Variants in NOVA1 observed in about 807,000 individuals in gnomAD.
NOVA1 encodes RNA-binding protein Nova-1.
NOVA1 carries 7 observed loss-of-function variants against 38.0 expected under a neutral mutation model. The ratio of observed to expected loss-of-function variants is 0.18; its 90% CI spans 0.10 to 0.35. The LOEUF (loss-of-function observed/expected upper bound fraction) is 0.35, where lower values mean the gene tolerates loss of function less well. Among genes scored for constraint, NOVA1 ranks in the 10% least tolerant of loss-of-function variants. NOVA1 has a pLI of 1.00. For missense variants in NOVA1, 460 were observed against 616.0 expected (o/e 0.75, Z 2.68); for synonymous variants, 270 against 232.5 (o/e 1.16, Z -1.47).
At chr14:26,477,491 T>A (rs539245966) in intron 3 of NOVA1, among the ~76,000 whole-genome samples, 16 of 152,258 alleles carry the variant, frequency 1.1e-4, no homozygotes, top group African/African-American at 3.8e-4. Context: ...CAGCAGGCAC[T>A]ACTTTCCCAA....
intron 2 of NOVA1, among the ~76,000 whole-genome samples, chr14:26,589,659 C>G (rs1893727948): frequency 6.6e-6 from 1 of 151,702 alleles, no homozygotes; most frequent in Non-Finnish European, 1.5e-5. Context: ...CTACCAAGTA[C>G]TTCCACTTAT....
chr14:26,487,574 C>T (rs938207394), intron 2 of NOVA1, among the ~76,000 whole-genome samples: 5 of 152,012 alleles, frequency 3.3e-5, no homozygotes, highest in Non-Finnish European at 5.9e-5. Context: ...ATATAGCAAA[C>T]ACAGAGAACA....
At chr14:26,522,354 G>T (rs1025397934) in intron 2 of NOVA1, among the ~76,000 whole-genome samples, 2 of 152,096 alleles carry the variant, frequency 1.3e-5, no homozygotes, top group Non-Finnish European at 2.9e-5. Context: ...TACATCTGCT[G>T]CAAATTTGTG....
chr14:26,498,161 G>A (rs1450417126), intron 2 of NOVA1, among the ~76,000 whole-genome samples: 2 of 151,958 alleles, frequency 1.3e-5, no homozygotes, highest in Non-Finnish European at 2.9e-5. Flanking sequence ...CTGGGTTCAC[G>A]CCTTTCTCCT....
chr14:26,507,577 AC>A (rs1887738364), intron 2 of NOVA1, among the ~76,000 whole-genome samples: 1 of 152,150 alleles, frequency 6.6e-6, no homozygotes, highest in Non-Finnish European at 1.5e-5. Context: ...CATGAATTCT[AC>A]CCTTTGGAAA....
At chr14:26,506,810 CCT>C (rs1444052715) in intron 2 of NOVA1, among the ~76,000 whole-genome samples, 1 of 152,094 alleles carries the variant, frequency 6.6e-6, no homozygotes, top group Non-Finnish European at 1.5e-5. Flanking sequence ...AAACTCCTGA[CCT>C]CAGGTGATCC....
At chr14:26,483,557 T>A (rs1885632076) in intron 2 of NOVA1, among the ~76,000 whole-genome samples, 1 of 152,202 alleles carries the variant, frequency 6.6e-6, no homozygotes, top group Non-Finnish European at 1.5e-5. Flanking sequence ...TACCAACTGA[T>A]TTCAATGATC....
intron 4 of NOVA1, among the ~76,000 whole-genome samples, chr14:26,451,786 T>C (rs1003659242): frequency 1.3e-5 from 2 of 152,228 alleles, no homozygotes; most frequent in African/African-American, 2.4e-5. Flanking sequence ...TGTCTATCTT[T>C]ATATTAAAGG....
chr14:26,496,986 T>C (rs1359630722), intron 2 of NOVA1, among the ~76,000 whole-genome samples: 1 of 152,204 alleles, frequency 6.6e-6, no homozygotes, highest in Non-Finnish European at 1.5e-5. Flanking sequence ...GGCTCTTTTT[T>C]GGTTCCAAAT....
chr14:26,583,283 G>A (rs1893327911), intron 2 of NOVA1, among the ~76,000 whole-genome samples: 2 of 151,386 alleles, frequency 1.3e-5, no homozygotes, highest in African/African-American at 4.8e-5. Flanking sequence ...AATTTGACCT[G>A]CAAAAAAACA....
At chr14:26,514,941 C>T (rs1469892297) in intron 2 of NOVA1, among the ~76,000 whole-genome samples, 1 of 151,814 alleles carries the variant, frequency 6.6e-6, no homozygotes, top group Non-Finnish European at 1.5e-5. Context: ...ATTCTACCTA[C>T]CTTAATATAC....
At chr14:26,490,843 T>A (rs944189311) in intron 2 of NOVA1, among the ~76,000 whole-genome samples, 1 of 11,304 alleles carries the variant, frequency 8.8e-5, no homozygotes, top group African/African-American at 1.4e-4. Flanking sequence ...ATCTGGCTAG[T>A]TTTTTTTTTT....
chr14:26,533,292 T>G (rs1889850365), intron 2 of NOVA1, among the ~76,000 whole-genome samples: 1 of 152,210 alleles, frequency 6.6e-6, no homozygotes, highest in Non-Finnish European at 1.5e-5. Context: ...TAGCCCTCGC[T>G]TAGGAGCCAC....
intron 2 of NOVA1, among the ~76,000 whole-genome samples, chr14:26,545,557 C>T (rs1890736745): frequency 6.6e-6 from 1 of 151,972 alleles, no homozygotes; most frequent in Non-Finnish European, 1.5e-5. Context: ...TGGATTTTAT[C>T]CTGAGGACAA....
chr14:26,505,887 TAGAA>T (rs926563263), intron 2 of NOVA1, among the ~76,000 whole-genome samples: 4 of 152,306 alleles, frequency 2.6e-5, no homozygotes, highest in African/African-American at 9.6e-5. Flanking sequence ...ACAACCCATT[TAGAA>T]AAACAGGATT....
chr14:26,505,302 C>A (rs1156933487), intron 2 of NOVA1, among the ~76,000 whole-genome samples: 5 of 152,048 alleles, frequency 3.3e-5, no homozygotes, highest in African/African-American at 1.2e-4. Context: ...GAGGAGGGAC[C>A]TCATGGGAGG....
rs948732484 is a variant in NOVA1, at chr14:26,447,608, G to T, written c.*351C>A. 4 of 250,278 alleles carry T rather than the reference G, an allele frequency of 1.6e-5. No homozygotes were observed. The highest frequency in any genetic ancestry group is 8.9e-5 in the African/African-American group (4 of 44,848). The allele number at this position is 250,278 out of a possible 1,614,324, so 15.5% of individuals were successfully genotyped here. On this transcript the variant is annotated 3_prime_UTR_variant, in exon 5 of 5. Coordinates refer to ENST00000539517, the MANE Select transcript of NOVA1 (RefSeq NM_002515.3). ...ACTCAACCTAACAGTAGTTAATTTAGTGTTATCTAGAACTAATACTGAAAA... is the reference window on the plus strand; with the variant it reads ...ACTCAACCTAACAGTAGTTAATTTATTGTTATCTAGAACTAATACTGAAAA...
chr14:26,579,849 G>A (rs1411582658), intron 2 of NOVA1, among the ~76,000 whole-genome samples: 1 of 151,976 alleles, frequency 6.6e-6, no homozygotes, highest in Non-Finnish European at 1.5e-5. Context: ...TTAAGACCTT[G>A]ACAGAGCCAA....
chr14:26,483,529 A>T (rs1190563154), intron 2 of NOVA1, among the ~76,000 whole-genome samples: 3 of 152,234 alleles, frequency 2.0e-5, no homozygotes, highest in Non-Finnish European at 4.4e-5. Context: ...TAAAATTTTC[A>T]ATAAAAACAT....
Sources: gnomAD v4.1 joint callset for allele counts (sites outside exome capture counted in the v4.1 genomes callset) on GRCh38, gnomAD v4.1.1 for gene constraint, MANE v1.5 for transcripts, NCBI Gene and HGNC (gene_info 2026-07-23, HGNC 2026-07-21) for gene names.